Variants in CTTNBP2NL observed in about 807,000 individuals in gnomAD.
CTTNBP2NL encodes the protein CTTNBP2 N-terminal like.
CTTNBP2NL carries 16 observed loss-of-function variants against 32.5 expected under a neutral mutation model. The observed-to-expected ratio is 0.49, with a 90% CI of 0.33 to 0.75. CTTNBP2NL has a LOEUF of 0.75. Ranked by LOEUF, CTTNBP2NL falls within the 30% of genes least tolerant of loss-of-function variation. The pLI, the probability that CTTNBP2NL is intolerant of heterozygous loss-of-function variation, is 0.02. For missense variants in CTTNBP2NL, 645 were observed against 756.0 expected (o/e 0.85, Z 1.72); for synonymous variants, 298 against 289.4 (o/e 1.03, Z -0.30).
At chr1:112,446,197 G>GAAAAAAGAA (rs1650031085) in intron 3 of CTTNBP2NL, among the ~76,000 whole-genome samples, 1 of 144,580 alleles carries the variant, frequency 6.9e-6, no homozygotes, top group Non-Finnish European at 1.5e-5. Context: ...TAAAAAAGTG[G>GAAAAAAGAA]AAAAAAAAAA....
At chr1:112,409,343 ATTTT>A (rs1232345212) in intron 1 of CTTNBP2NL, among the ~76,000 whole-genome samples, 1 of 152,162 alleles carries the variant, frequency 6.6e-6, no homozygotes, top group Non-Finnish European at 1.5e-5. Flanking sequence ...TTAAAAAGTG[ATTTT>A]TATCCAGCGT....
At chr1:112,434,333 C>T (rs1649663724) in intron 3 of CTTNBP2NL, among the ~76,000 whole-genome samples, 1 of 152,192 alleles carries the variant, frequency 6.6e-6, no homozygotes, top group South Asian at 2.1e-4. Flanking sequence ...CCTTTGTTCT[C>T]TGTTTTGGTT....
chr1:112,430,209 TTCTTTTCTTTTCTTG>T (rs1348230334), intron 3 of CTTNBP2NL, among the ~76,000 whole-genome samples: 2,233 of 39,396 alleles, frequency 0.057, 64 homozygotes, highest in African/African-American at 0.096. Flanking sequence ...TTCTTTTCTT[TTCTTTTCTTTTCTTG>T]TCTTTTCTCT....
In CTTNBP2NL at chr1:112,457,425, A is replaced by T; in HGVS notation, c.*13A>T. ...TACCAGCAGCTAGTCCCTAGGAGGG[A>T]GTCTCCACGTTTGACATTCCATCAG... On this transcript the variant is annotated 3_prime_UTR_variant, in exon 6 of 6. Coordinates refer to ENST00000271277, the MANE Select transcript of CTTNBP2NL (RefSeq NM_018704.3). 1 of 1,586,608 alleles carries T rather than the reference A, an allele frequency of 6.3e-7. No homozygotes were observed.
In CTTNBP2NL at chr1:112,457,066, A is replaced by G. The variant is rs1650390893; in HGVS notation, c.1574A>G (p.Asn525Ser). ...GGGCCAATCAAGCCAGTCTCTCCCA[A>G]CAGCTCTCCCTTTGGCACAGACTAT... ...QQGPIKPVSPNSSPFGTDYRN... is the reference protein window; with the variant it reads ...QQGPIKPVSPSSSPFGTDYRN... Residue 525 changes from asparagine (N) to serine (S), a missense_variant, in exon 6 of 6, where the codon AAC becomes AGC. Coordinates refer to ENST00000271277, the MANE Select transcript of CTTNBP2NL (RefSeq NM_018704.3). The G allele has an allele frequency of 6.8e-6, 11 of 1,614,040 alleles. No homozygotes were observed. The highest frequency in any genetic ancestry group is 2.2e-5 in the East Asian group (1 of 44,882).
chr1:112,402,544 GT>G (rs1364516150), intron 1 of CTTNBP2NL, among the ~76,000 whole-genome samples: 1 of 152,206 alleles, frequency 6.6e-6, no homozygotes, highest in African/African-American at 2.4e-5. Flanking sequence ...TGACAGGTAA[GT>G]TATAGGAAAA....
chr1:112,392,676 A>T (rs1380110110), upstream of CTTNBP2NL, among the ~76,000 whole-genome samples: 1 of 152,138 alleles, frequency 6.6e-6, no homozygotes, highest in African/African-American at 2.4e-5. Flanking sequence ...AGGAGAGGAC[A>T]TACAGAGACG....
chr1:112,430,615 G>A (rs561915310), intron 3 of CTTNBP2NL, among the ~76,000 whole-genome samples: 2 of 142,444 alleles, frequency 1.4e-5, no homozygotes, highest in Non-Finnish European at 1.5e-5. Context: ...GTGCAGTGAC[G>A]TGATCTCGGC....
chr1:112,455,953 T>C lies in CTTNBP2NL; in HGVS notation c.461T>C (p.Val154Ala), dbSNP rs374002382. ...TQQLEFEKSQ[V>A]KKFEKEQKKL... ...TAGTTGGAATTTGAAAAATCCCAAG[T>C]GAAAAAGTTTGAAAAAGAACAGAAG... is the stretch of plus-strand genomic sequence containing the variant. Residue 154 changes from valine to alanine, a missense_variant, in exon 6 of 6, where the codon GTG (valine) becomes GCG (alanine). Coordinates refer to ENST00000271277, the MANE Select transcript of CTTNBP2NL (RefSeq NM_018704.3). 1.5e-5 allele frequency: 23 copies of C among 1,576,780 alleles called. No individual in the cohort carries two copies. Among genetic ancestry groups the C allele is most frequent in the Non-Finnish European group, 1.9e-5 (22 of 1,166,230 alleles).
At chr1:112,405,550 G>T (rs779202164) in intron 1 of CTTNBP2NL, among the ~76,000 whole-genome samples, 4 of 152,212 alleles carry the variant, frequency 2.6e-5, no homozygotes, top group Non-Finnish European at 5.9e-5. Flanking sequence ...TGCCTGCCTC[G>T]GCATTCCAAA....
chr1:112,453,869 A>G (rs1650292869), intron 4 of CTTNBP2NL, among the ~76,000 whole-genome samples: 1 of 152,340 alleles, frequency 6.6e-6, no homozygotes, highest in Admixed American at 6.5e-5. Flanking sequence ...TCTCCATTTA[A>G]GGTCTCTATA....
chr1:112,456,866 G>A lies in CTTNBP2NL; in HGVS notation c.1374G>A (p.Arg458=). 1 of 1,614,140 alleles carries A rather than the reference G, an allele frequency of 6.2e-7. No homozygotes were observed. The highest frequency in any genetic ancestry group is 8.5e-7 in the Non-Finnish European group (1 of 1,180,032). Residue 458 remains arginine (R), a synonymous_variant, in exon 6 of 6, where the codon CGG becomes CGA. Coordinates refer to ENST00000271277, the MANE Select transcript of CTTNBP2NL (RefSeq NM_018704.3). ...QSSYQVGINQ[R]FHAARHKFQS... Reference sequence around the variant, plus strand: ...CGTACCAAGTAGGGATCAACCAACGGTTCCATGCAGCTCGCCACAAATTTC... The same window carrying A: ...CGTACCAAGTAGGGATCAACCAACGATTCCATGCAGCTCGCCACAAATTTC...
At position 112,457,307 on chromosome 1, in the gene CTTNBP2NL, G is replaced by A; in HGVS notation, c.1815G>A (p.Gln605=). The change falls in exon 6 of 6, where the codon CAG becomes CAA. Residue 605 remains glutamine, a synonymous_variant. Coordinates refer to ENST00000271277, the MANE Select transcript of CTTNBP2NL (RefSeq NM_018704.3). ...ATTPLTKTHS[Q]AASLTTAEDL... ...CTCCATTGACCAAAACTCATTCCCA[G>A]GCAGCCTCTTTGACCACTGCAGAAG... The A allele has an allele frequency of 6.2e-7, 1 of 1,614,142 alleles. No homozygotes were observed. Among genetic ancestry groups the A allele is most frequent in the Non-Finnish European group, 8.5e-7 (1 of 1,180,040 alleles).
intron 3 of CTTNBP2NL, among the ~76,000 whole-genome samples, chr1:112,420,993 G>A (rs1007622709): frequency 7.9e-5 from 12 of 152,272 alleles, no homozygotes; most frequent in Non-Finnish European, 1.6e-4. Context: ...AGTTTTATTG[G>A]TAAAATGTTA....
rs949012398 is a variant in CTTNBP2NL at position 112,459,401 on chromosome 1, C to T, written c.*1989C>T. ...GTGTCTTCACATACATTCTCTGAGC[C>T]AACATCTATCCAGCAGCCCTGACCT... On this transcript the variant is annotated 3_prime_UTR_variant, in exon 6 of 6. Transcript: ENST00000271277. The T allele has an allele frequency of 6.6e-6, 1 of 152,212 alleles. No homozygotes were observed. The highest frequency in any genetic ancestry group is 3.2e-3 in the Middle Eastern group (1 of 316). 9.4% of individuals were successfully genotyped at this position (152,212 alleles called of 1,614,324 possible).
At chr1:112,452,559 G>T (rs548262232) in intron 4 of CTTNBP2NL, among the ~76,000 whole-genome samples, 1 of 149,992 alleles carries the variant, frequency 6.7e-6, no homozygotes, top group South Asian at 2.1e-4. Flanking sequence ...GGTCAGGCTG[G>T]TCTCGAACTC....
rs1650362773 is a variant in CTTNBP2NL, at chr1:112,456,366, A to G, written c.874A>G (p.Lys292Glu). The change falls in exon 6 of 6, where the codon AAA (lysine) becomes GAA (glutamate). Residue 292 changes from lysine (K) to glutamate (E), a missense_variant. By Grantham distance (56) the Lys-to-Glu change is moderately conservative (BLOSUM62 1). Transcript: ENST00000271277. ...CAGTAGCCCTAATGAGCAATTGAAG[A>G]AACCAGTAACCGTGTCCAAAGGCAC... ...QHSSPNEQLK[K>E]PVTVSKGTAT... The G allele has an allele frequency of 6.2e-7, 1 of 1,613,952 alleles. No homozygotes were observed. Among genetic ancestry groups the G allele is most frequent in the African/African-American group, 1.3e-5 (1 of 74,930 alleles).
At chr1:112,395,931 C>A (rs1216913536), upstream of CTTNBP2NL, among the ~76,000 whole-genome samples, 18 of 152,226 alleles carry the variant, frequency 1.2e-4, no homozygotes, top group South Asian at 1.0e-3. Flanking sequence ...AGACTTTTCA[C>A]GCAGAGGTGG....
chr1:112,430,228 T>A (rs934019749), intron 3 of CTTNBP2NL, among the ~76,000 whole-genome samples: 1 of 145,186 alleles, frequency 6.9e-6, no homozygotes, highest in African/African-American at 2.6e-5. Flanking sequence ...TTTCTTGTCT[T>A]TTCTCTTTCA....
Sources: gnomAD v4.1 joint callset for allele counts (sites outside exome capture counted in the v4.1 genomes callset) on GRCh38, gnomAD v4.1.1 for gene constraint, MANE v1.5 for transcripts, NCBI Gene and HGNC (gene_info 2026-07-23, HGNC 2026-07-21) for gene names.